COL4A1: variants seen among roughly 807,000 people sequenced by gnomAD.
The protein encoded by COL4A1 is collagen alpha-1(IV) chain.
COL4A1 carries 40 observed loss-of-function variants against 216.6 expected under a neutral mutation model. The ratio of observed to expected loss-of-function variants is 0.18; its 90% confidence interval spans 0.14 to 0.24. The LOEUF (loss-of-function observed/expected upper bound fraction) is 0.24, where lower values mean the gene tolerates loss of function less well. Among genes scored for constraint, COL4A1 ranks in the 10% least tolerant of loss-of-function variants. The pLI is 1.00. For synonymous variants in COL4A1, 839 were observed against 810.7 expected, an observed-to-expected ratio of 1.03 and a Z score of -0.59; for missense variants, 1,628 against 2,196.8, an observed-to-expected ratio of 0.74 and a Z score of 5.18.
Position 110,201,293 on chromosome 13 carries a change from G to A in COL4A1, c.1084+145C>T. On this transcript the variant is annotated intron_variant, in intron 19 of 51. Transcript: ENST00000375820. ...AGGAGGAGGGGGAGGAGGAAGAGAAGGAGGGGGCGGAGGAAGAGAAGGAGG... is the reference window on the plus strand; with the variant it reads ...AGGAGGAGGGGGAGGAGGAAGAGAAAGAGGGGGCGGAGGAAGAGAAGGAGG... 5.0e-6 allele frequency: 3 copies of A among 598,478 alleles called. No homozygotes were observed. The East Asian group carries it at 8.9e-5, about 18-fold the overall frequency. The allele number at this position is 598,478 out of a possible 1,614,324, so 37.1% of individuals were successfully genotyped here.
intron 2 of COL4A1, among the ~76,000 whole-genome samples, chr13:110,239,806 G>C (rs1881477231): frequency 6.6e-6 from 1 of 152,164 alleles, no homozygotes; most frequent in Non-Finnish European, 1.5e-5. Flanking sequence ...TTCTTTCTTA[G>C]CTGACTTTGG....
intron 1 of COL4A1, among the ~76,000 whole-genome samples, chr13:110,250,717 G>A (rs1882033579): frequency 6.6e-6 from 1 of 152,160 alleles, no homozygotes; most frequent in African/African-American, 2.4e-5. Context: ...TGGGACCCAT[G>A]GGTGGAAACA....
intron 2 of COL4A1, among the ~76,000 whole-genome samples, chr13:110,217,355 G>A (rs1880137090): frequency 6.6e-6 from 1 of 152,210 alleles, no homozygotes; most frequent in Admixed American, 6.5e-5. Context: ...AGCTGCAACT[G>A]GCAATGCTAC....
chr13:110,290,946 C>T (rs946396528), intron 1 of COL4A1, among the ~76,000 whole-genome samples: 16 of 152,214 alleles, frequency 1.1e-4, no homozygotes, highest in African/African-American at 3.4e-4. Flanking sequence ...GTGGCAGAAG[C>T]CAAGGGCGAT....
intron 29 of COL4A1, among the ~76,000 whole-genome samples, chr13:110,180,283 C>G (rs903150898): frequency 6.6e-6 from 1 of 152,250 alleles, no homozygotes. Flanking sequence ...CAAGTTGCCG[C>G]GGTTGACTAA....
At position 110,206,709 on chromosome 13, in the gene COL4A1, G is replaced by A. The variant is rs1222297334; in HGVS notation, c.814C>T (p.Pro272Ser). Residue 272 changes from proline (P) to serine (S), a missense_variant, in exon 15 of 52, where the codon CCA becomes TCA. Around this residue, in one of 8 missense-constraint regions of COL4A1, gnomAD observed 701 missense variants for 892.5 expected, o/e 0.79. Coordinates refer to ENST00000375820, the MANE Select transcript of COL4A1 (RefSeq NM_001845.6). ...QKGEPGFQGM[P>S]GVGEKGEPGK... ...GGTTCACCTTTCTCTCCGACCCCTG[G>A]CATCCCCTTAAAGGAATAAAAAGAC... is the stretch of plus-strand genomic sequence containing the variant. The A allele has an allele frequency of 1.9e-6, 3 of 1,613,946 alleles. No homozygotes were observed. The highest frequency in any genetic ancestry group is 2.2e-5 in the East Asian group (1 of 44,896).
chr13:110,154,839 GC>G, intron 50 of COL4A1, among the ~76,000 whole-genome samples: 1 of 152,392 alleles, frequency 6.6e-6, no homozygotes, highest in East Asian at 1.9e-4. Flanking sequence ...ATATGAACAA[GC>G]TGGTCATACA....
Position 110,191,795 on chromosome 13 carries a change from T to C in COL4A1, c.1536+419A>G, listed in dbSNP as rs1279086754. On this transcript the variant is annotated intron_variant, in intron 24 of 51. Transcript: ENST00000375820. Reference sequence around the variant, plus strand: ...CTGAACCTACTGACTAACCAGCTTTTAGATGATCTGATATGATGTTACCAG... The same window carrying C: ...CTGAACCTACTGACTAACCAGCTTTCAGATGATCTGATATGATGTTACCAG... 5.0e-6 allele frequency: 3 copies of C among 596,628 alleles called. No individual in the cohort carries two copies. The African/African-American group carries it at 5.6e-5, about 11-fold the overall frequency. 37.0% of individuals were successfully genotyped at this position (596,628 alleles called of 1,614,324 possible). A position where few individuals can be genotyped will look rare whatever the true frequency, so the allele number is the denominator to read the frequency against.
intron 2 of COL4A1, among the ~76,000 whole-genome samples, chr13:110,215,653 C>T (rs139378980): frequency 2.0e-5 from 3 of 152,100 alleles, no homozygotes; most frequent in African/African-American, 7.2e-5. Flanking sequence ...GCAGCCTTAC[C>T]ATACGAATTG....
Position 110,306,983 on chromosome 13 carries a change from G to A in COL4A1, c.45C>T (p.Ala15=). 1 of 1,477,496 alleles carries A rather than the reference G, an allele frequency of 6.8e-7. No individual in the cohort carries two copies. The highest frequency in any genetic ancestry group is 8.9e-7 in the Non-Finnish European group (1 of 1,119,782). The allele number at this position is 1,477,496 out of a possible 1,614,324, so 91.5% of individuals were successfully genotyped here. A position where few individuals can be genotyped will look rare whatever the true frequency, so the allele number is the denominator to read the frequency against. The change falls in exon 1 of 52, where the codon GCC becomes GCT. Residue 15 remains alanine, a synonymous_variant. Transcript: ENST00000375820. ...GGCTGTGCTCCTCGTGGAGCAGAAG[G>A]GCGGCGGGCAGCAGCAGCAGCCAGA... is the stretch of plus-strand genomic sequence containing the variant. ...LSVWLLLLPA[A]LLLHEEHSRA...
intron 1 of COL4A1, among the ~76,000 whole-genome samples, chr13:110,283,223 C>A (rs1457903281): frequency 6.6e-6 from 1 of 152,046 alleles, no homozygotes; most frequent in Non-Finnish European, 1.5e-5. Flanking sequence ...TCAGAAAAGA[C>A]GAGTCATCGA....
intron 2 of COL4A1, among the ~76,000 whole-genome samples, chr13:110,215,283 C>T (rs1032663606): frequency 8.3e-5 from 5 of 60,408 alleles, no homozygotes; most frequent in East Asian, 2.1e-3. Flanking sequence ...GGGCTGGGTG[C>T]GGTGGCTCGC....
At chr13:110,213,479 T>C (rs1448515338) in intron 4 of COL4A1, among the ~76,000 whole-genome samples, 1 of 152,122 alleles carries the variant, frequency 6.6e-6, no homozygotes, top group African/African-American at 2.4e-5. Context: ...CAATTGCCCC[T>C]TCCCCCAAAT....
At position 110,176,944 on chromosome 13, in the gene COL4A1, G is replaced by C. The variant is rs773320165; in HGVS notation, c.2810C>G (p.Ser937Cys). Residue 937 changes from serine to cysteine, a missense_variant, in exon 34 of 52, where the codon TCC (serine) becomes TGC (cysteine). By Grantham distance (112) the Ser-to-Cys change is moderately radical. Transcript: ENST00000375820. ...GCTGCCCATGTCCACCTTATCCATG[G>C]AGCCAGGCTTGCCAGGGAGACCGAC... ...GDVGLPGKPG[S>C]MDKVDMGSMK... 16 of 1,613,990 alleles carry C rather than the reference G, an allele frequency of 9.9e-6. No individual in the cohort carries two copies. Among genetic ancestry groups the C allele is most frequent in the Non-Finnish European group, 1.3e-5 (15 of 1,180,028 alleles).
At chr13:110,163,387 C>T (rs1877174546) in intron 47 of COL4A1, 76 bp downstream of exon 47, 1 of 1,274,348 alleles carries the variant, frequency 7.8e-7, no homozygotes, top group African/African-American at 1.5e-5. Context: ...TCTGCTGTTT[C>T]CCCATGCCTG....
chr13:110,243,594 T>C (rs1163868699), intron 1 of COL4A1, among the ~76,000 whole-genome samples: 1 of 152,178 alleles, frequency 6.6e-6, no homozygotes, highest in Non-Finnish European at 1.5e-5. Context: ...GCTGGGATTA[T>C]AGGCATGAGA....
intron 14 of COL4A1, 21 bp from the exon 15 acceptor site, chr13:110,206,736 A>C (rs1879535481): frequency 9.9e-6 from 16 of 1,613,678 alleles, no homozygotes; most frequent in African/African-American, 1.3e-5. Flanking sequence ...TAAAAAGACA[A>C]AGAGATTTAT....
rs1004370797 is a variant in COL4A1, at chr13:110,198,591, A to G, written c.1161T>C (p.Pro387=). ...GGTCACCTTTTTCTCCTCTTTCACC[A>G]GGGAAGCCAGGGGCACCAGCCTGCC... ...VPGQAGAPGF[P]GERGEKGDRG... Residue 387 remains proline (P), a synonymous_variant, in exon 21 of 52, where the codon CCT becomes CCC. Transcript: ENST00000375820. 1 of 1,614,062 alleles carries G rather than the reference A, an allele frequency of 6.2e-7. No homozygotes were observed. Among genetic ancestry groups the G allele is most frequent in the Non-Finnish European group, 8.5e-7 (1 of 1,180,022 alleles).
intron 2 of COL4A1, among the ~76,000 whole-genome samples, chr13:110,231,992 G>T (rs1156431926): frequency 6.6e-6 from 1 of 152,118 alleles, no homozygotes; most frequent in East Asian, 1.9e-4. Flanking sequence ...TTACCTTCAG[G>T]TATTTGTCCA....
Sources: gnomAD v4.1 joint callset for allele counts (sites outside exome capture counted in the v4.1 genomes callset) on GRCh38, gnomAD v4.1.1 for gene constraint, gnomAD v4.1.1 regional missense constraint, MANE v1.5 for transcripts, NCBI Gene and HGNC (gene_info 2026-07-23, HGNC 2026-07-21) for gene names.